Variants in SYTL4 observed in about 807,000 individuals in gnomAD.
SYTL4 encodes the protein synaptotagmin like 4, also known as synaptotagmin-like protein 4.
Under a neutral mutation model 52.7 loss-of-function variants are expected in SYTL4, and 16 were observed. The ratio of observed to expected loss-of-function variants is 0.30; its 90% CI spans 0.21 to 0.46. The LOEUF (loss-of-function observed/expected upper bound fraction) is 0.46. Ranked by LOEUF, SYTL4 falls within the 20% of genes least tolerant of loss-of-function variation. The pLI is 1.00. For missense variants in SYTL4, 423 were observed against 519.9 expected, an observed-to-expected ratio of 0.81 and a Z score of 1.81; for synonymous variants, 160 against 186.6, an observed-to-expected ratio of 0.86 and a Z score of 1.16.
chrX:100,680,507 CT>C, intron 17 of SYTL4, among the ~76,000 whole-genome samples: 1 of 110,954 alleles, frequency 9.0e-6, no homozygotes, highest in Non-Finnish European at 1.9e-5. Flanking sequence ...TCATGTCCAA[CT>C]CCAGCCCCAC....
chrX:100,693,170 T>A (rs1440233498), intron 8 of SYTL4, among the ~76,000 whole-genome samples: 3 of 111,880 alleles, frequency 2.7e-5, no homozygotes, highest in Admixed American at 9.4e-5. Flanking sequence ...CCTCAGGTGA[T>A]CCATCCGCCT....
intron 12 of SYTL4, among the ~76,000 whole-genome samples, chrX:100,688,812 GC>G (rs2083527852): frequency 9.2e-6 from 1 of 109,160 alleles, no homozygotes. Context: ...TGATCCGCCT[GC>G]CTCGGCCTCC....
chrX:100,681,389 G>T (rs776665138), intron 16 of SYTL4, 54 bp from the exon 17 acceptor site: 26 of 986,772 alleles, frequency 2.6e-5, no homozygotes, highest in Non-Finnish European at 3.1e-5. Context: ...GAATTGTTGG[G>T]ACTTCTCTCT....
At chrX:100,718,424 A>T (rs1428373297) in intron 2 of SYTL4, among the ~76,000 whole-genome samples, 1 of 111,687 alleles carries the variant, frequency 9.0e-6, no homozygotes, top group East Asian at 2.8e-4. Flanking sequence ...AATATCATAA[A>T]TTTTAAAAAT....
rs1185534455 is a variant in SYTL4 at position 100,716,386 on chromosome X, G to A, written c.-239-11500C>T. On this transcript the variant is annotated intron_variant, in intron 2 of 19. Coordinates refer to ENST00000372989, the MANE Select transcript of SYTL4 (RefSeq NM_001370165.1). ...AATCACGTGAACCTGAGAGGCAGAG[G>A]TTGCGGTGAGCTGAGATCACACCAC... Among the ~76,000 whole-genome samples, 4 of 95,818 alleles carry A rather than the reference G, an allele frequency of 4.2e-5. No individual in the cohort carries two copies. In the Admixed American group the frequency reaches 4.8e-4, roughly 12 times the overall value. The allele number at this position is 95,818 out of a possible 115,157, so 83.2% of individuals were successfully genotyped here.
chrX:100,722,329 A>G (rs778866260), intron 2 of SYTL4, among the ~76,000 whole-genome samples: 1 of 111,547 alleles, frequency 9.0e-6, no homozygotes, highest in East Asian at 2.8e-4. Flanking sequence ...TGGCACTGCA[A>G]CTATGCTTCC....
chrX:100,694,967 G>A (rs2083675168), intron 8 of SYTL4, among the ~76,000 whole-genome samples: 1 of 110,657 alleles, frequency 9.0e-6, no homozygotes, highest in Admixed American at 9.7e-5. Flanking sequence ...ACATAGCAGG[G>A]GGGCTTGATT....
chrX:100,690,013 A>G (rs1414833229), intron 11 of SYTL4, 54 bp from the exon 12 acceptor site: 21 of 1,155,107 alleles, frequency 1.8e-5, no homozygotes, highest in Non-Finnish European at 2.4e-5. Context: ...TCTCCATACC[A>G]AGAGCCCATC....
At chrX:100,693,964 T>C (rs928041442) in intron 8 of SYTL4, among the ~76,000 whole-genome samples, 1 of 112,384 alleles carries the variant, frequency 8.9e-6, no homozygotes, top group Non-Finnish European at 1.9e-5. Context: ...ACTGCATTTA[T>C]ATGAAATGTC....
In SYTL4 at chrX:100,723,926, C is replaced by G. The variant is rs1343531862; in HGVS notation, c.-240+7492G>C. 4.3e-5 allele frequency among the ~76,000 whole-genome samples: 4 copies of G among 93,053 alleles called. No homozygotes were observed. In the East Asian group the frequency reaches 1.4e-3, roughly 33 times the overall value. 80.8% of individuals were successfully genotyped at this position (93,053 alleles called of 115,157 possible). On this transcript the variant is annotated intron_variant, in intron 2 of 19. Transcript: ENST00000372989. ...CCTGTCCGGGAGGGAGGTGGGGGGT[C>G]AGCCCCCGCCAGGCCAGCCGCCCCG...
At chrX:100,696,979 AAAATC>A (rs2083718468) in intron 8 of SYTL4, among the ~76,000 whole-genome samples, 1 of 112,304 alleles carries the variant, frequency 8.9e-6, no homozygotes, top group Non-Finnish European at 1.9e-5. Context: ...ACAGATTTCA[AAAATC>A]GCACCTAAGA....
chrX:100,701,664 C>G lies in SYTL4; in HGVS notation c.120G>C (p.Lys40Asn). The change falls in exon 6 of 20, where the codon AAG becomes AAC. Residue 40 changes from lysine to asparagine, a missense_variant. Physicochemically the swap from Lys to Asn is moderately conservative, Grantham distance 94. Transcript: ENST00000372989. ...KADEKRIRRL[K>N]NELLEIKRKG... ...TCCTTTTTATCTCCAGTAACTCATT[C>G]TTTAGTCGCCTGCCAAGACCCAAAA... 1 of 1,210,828 alleles carries G rather than the reference C, an allele frequency of 8.3e-7. No homozygotes were observed. Among genetic ancestry groups the G allele is most frequent in the Non-Finnish European group, 1.1e-6 (1 of 894,925 alleles).
chrX:100,676,311 A>G, intron 19 of SYTL4, 135 bp from the exon 20 acceptor site: 1 of 627,682 alleles, frequency 1.6e-6, no homozygotes, highest in Non-Finnish European at 2.5e-6. Context: ...GCAGTCTGGG[A>G]AGTGCTCCCT....
At chrX:100,722,261 C>T (rs2084357718) in intron 2 of SYTL4, among the ~76,000 whole-genome samples, 1 of 111,298 alleles carries the variant, frequency 9.0e-6, no homozygotes, top group Non-Finnish European at 1.9e-5. Context: ...AAAAATCACA[C>T]TCTGGTAGAT....
chrX:100,699,483 T>A (rs72615559), intron 8 of SYTL4, among the ~76,000 whole-genome samples: 14,561 of 47,224 alleles, frequency 0.31, 1,534 homozygotes, highest in East Asian at 0.45. Flanking sequence ...AGCATTACTC[T>A]TTTTTTTTTT....
intron 12 of SYTL4, 60 bp from the exon 13 acceptor site, chrX:100,688,503 G>T: frequency 1.1e-6 from 1 of 951,945 alleles, no homozygotes; most frequent in Non-Finnish European, 1.4e-6. Flanking sequence ...TAGCTTCAAA[G>T]ACTAATATCT....
chrX:100,707,838 G>A (rs1395863486), intron 2 of SYTL4, among the ~76,000 whole-genome samples: 1 of 111,674 alleles, frequency 9.0e-6, no homozygotes, highest in Non-Finnish European at 1.9e-5. Context: ...AGCTCAGATG[G>A]ACAACTTGTT....
chrX:100,731,512 G>A lies in SYTL4; in HGVS notation c.-327-7C>T, dbSNP rs2084644851. 8.9e-6 allele frequency: 1 copy of A among 112,704 alleles called. No homozygotes were observed. The highest frequency in any genetic ancestry group is 1.9e-5 in the Non-Finnish European group (1 of 53,304). 9.3% of individuals were successfully genotyped at this position (112,704 alleles called of 1,213,427 possible). On this transcript the variant is annotated splice_region_variant and splice_polypyrimidine_tract_variant and intron_variant, in intron 1 of 19. Transcript: ENST00000372989. ...CCCGCTCGACGGCCGAGCGCTGTGA[G>A]AGGAACCCACGAAAAGGTGACTGGA...
rs1178861767 is a variant in SYTL4 at position 100,731,451 on chromosome X, G to A, written c.-273C>T. On this transcript the variant is annotated 5_prime_UTR_variant, in exon 2 of 20. Transcript: ENST00000372989. ...GACTGGCCAACGCCAGAGAAGCCGC[G>A]ATGTCGTAGGTCCGAAGAGAGTGCG... 1 of 112,895 alleles carries A rather than the reference G, an allele frequency of 8.9e-6. No homozygotes were observed. Among genetic ancestry groups the A allele is most frequent in the Admixed American group, 9.3e-5 (1 of 10,749 alleles). 9.3% of individuals were successfully genotyped at this position (112,895 alleles called of 1,213,427 possible).
Sources: gnomAD v4.1 joint callset for allele counts (sites outside exome capture counted in the v4.1 genomes callset) on GRCh38, gnomAD v4.1.1 for gene constraint, MANE v1.5 for transcripts, NCBI Gene and HGNC (gene_info 2026-07-23, HGNC 2026-07-21) for gene names.